The following MYH13 variants were observed in gnomAD, a reference collection of about 807,000 sequenced individuals.
The protein encoded by MYH13 is myosin-13.
MYH13 carries 177 observed loss-of-function variants against 232.1 expected under a neutral mutation model. That is an observed-to-expected ratio of 0.76 (90% CI 0.67 to 0.86). The LOEUF (loss-of-function observed/expected upper bound fraction) is 0.86. MYH13 is among the 40% of genes least tolerant of loss of function. The pLI, the probability that MYH13 is intolerant of heterozygous loss-of-function variation, is 0.00. For missense variants in MYH13, 2,246 were observed against 2,405.9 expected (o/e 0.93, Z 1.39); for synonymous variants, 884 against 923.5 (o/e 0.96, Z 0.78).
chr17:10,328,791 G>A (rs1030490513), intron 21 of MYH13, among the ~76,000 whole-genome samples: 2 of 151,248 alleles, frequency 1.3e-5, no homozygotes, highest in Non-Finnish European at 2.9e-5. Context: ...AATTCTTCTG[G>A]CTCAGCCTCC....
In MYH13 at chr17:10,345,826, C is replaced by T. The variant is rs576740056; in HGVS notation, c.1264-210G>A. Among the ~76,000 whole-genome samples the T allele has an allele frequency of 1.3e-4, 20 of 151,972 alleles. No homozygotes were observed. The South Asian group carries it at 4.0e-3, about 30-fold the overall frequency. ...TGGCCAACATGGTGAAACCCCGTCT[C>T]TACTAAAAATACAAAAATTAGCCAG... On this transcript the variant is annotated intron_variant, in intron 13 of 40. Coordinates refer to ENST00000252172, the MANE Select transcript of MYH13 (RefSeq NM_003802.3).
At position 10,321,648 on chromosome 17, in the gene MYH13, C is replaced by T. The variant is rs1331418426; in HGVS notation, c.2995G>A (p.Glu999Lys). 1 of 1,613,726 alleles carries T rather than the reference C, an allele frequency of 6.2e-7. No homozygotes were observed. Among genetic ancestry groups the T allele is most frequent in the Non-Finnish European group, 8.5e-7 (1 of 1,179,758 alleles). Reference protein sequence around the residue: ...LEENISKLTKEKKSLQEAHQQ... With the variant: ...LEENISKLTKKKKSLQEAHQQ... ...TGGGCCTCCTGTAGAGATTTCTTTT[C>T]TTTGGTCAATTTGGAAATGTTTTCT... The change falls in exon 24 of 41, where the codon GAA (glutamate) becomes AAA (lysine). Residue 999 changes from glutamate (E) to lysine (K), a missense_variant. Transcript: ENST00000252172.
chr17:10,348,379 T>C (rs2071684094), intron 12 of MYH13, among the ~76,000 whole-genome samples: 1 of 152,226 alleles, frequency 6.6e-6, no homozygotes. Context: ...GGTTTAGGTT[T>C]AGGTTTAGGT....
chr17:10,323,019 C>T lies in MYH13; in HGVS notation c.2934+1003G>A, dbSNP rs186514954. Reference sequence around the variant, plus strand: ...CACACGCCATTGCTCCTAATGGCTACGTAGTGCTCCCTGCTGTGTTATCTA... The same window carrying T: ...CACACGCCATTGCTCCTAATGGCTATGTAGTGCTCCCTGCTGTGTTATCTA... On this transcript the variant is annotated intron_variant, in intron 23 of 40. Transcript: ENST00000252172. 4.1e-4 allele frequency among the ~76,000 whole-genome samples: 62 copies of T among 152,252 alleles called. 1 individual carries two copies. The East Asian group carries it at 0.01, about 25-fold the overall frequency.
Position 10,345,277 on chromosome 17 carries a change from G to A in MYH13, c.1509C>T (p.Tyr503=). 2 of 1,614,150 alleles carry A rather than the reference G, an allele frequency of 1.2e-6. No homozygotes were observed. Among genetic ancestry groups the A allele is most frequent in the South Asian group, 2.2e-5 (2 of 91,082 alleles). The change falls in exon 15 of 41, where the codon TAC becomes TAT. Residue 503 remains tyrosine (Y), a synonymous_variant. Transcript: ENST00000252172. ...ACTCCCACTCGATGCCTTCCTTCTT[G>A]TACTCTTCCTGCTCCAGCACGAACA... ...HHMFVLEQEE[Y]KKEGIEWEFI... is the part of the protein sequence containing the mutation.
chr17:10,323,563 G>A (rs779724213), intron 23 of MYH13, among the ~76,000 whole-genome samples: 33 of 151,936 alleles, frequency 2.2e-4, no homozygotes, highest in Non-Finnish European at 4.7e-4. Context: ...TTCGAGACCA[G>A]CTTGGCCAAC....
rs759686131 is a variant in MYH13 at position 10,306,557 on chromosome 17, G to A, written c.5368C>T (p.Leu1790=). The change falls in exon 37 of 41, where the codon CTG becomes TTG. Residue 1790 remains leucine, a synonymous_variant. Coordinates refer to ENST00000252172, the MANE Select transcript of MYH13 (RefSeq NM_003802.3). This position sits in a 1 kb window ranked among gnomAD's most constrained non-coding sequence, Gnocchi z 4.3. ...SAHLERMKKN[L]EQTVKDLQHR... Reference sequence around the variant, plus strand: ...TGCAGGTCCTTCACCGTCTGCTCCAGGTTCTTCTTCATCCGCTCCAGGTGG... The same window carrying A: ...TGCAGGTCCTTCACCGTCTGCTCCAAGTTCTTCTTCATCCGCTCCAGGTGG... 1.9e-6 allele frequency: 3 copies of A among 1,614,120 alleles called. No individual in the cohort carries two copies. Among genetic ancestry groups the A allele is most frequent in the African/African-American group, 1.3e-5 (1 of 75,016 alleles).
At chr17:10,347,712 CTTT>C (rs71139041) in intron 12 of MYH13, among the ~76,000 whole-genome samples, 4 of 86,722 alleles carry the variant, frequency 4.6e-5, no homozygotes, top group Non-Finnish European at 6.3e-5. Context: ...GGGACTACTT[CTTT>C]TTTTTTTTTT....
intron 40 of MYH13, 110 bp downstream of exon 40, chr17:10,301,459 A>G: frequency 6.6e-7 from 1 of 1,507,658 alleles, no homozygotes; most frequent in Non-Finnish European, 9.0e-7. Context: ...CCCACATCTC[A>G]GGTACCTGCC....
At chr17:10,372,385 A>G (rs905399769) in intron 1 of MYH13, among the ~76,000 whole-genome samples, 92 of 152,306 alleles carry the variant, frequency 6.0e-4, no homozygotes, top group African/African-American at 2.1e-3. Flanking sequence ...TGGTGGCCTG[A>G]ATTCAAAGTA....
chr17:10,309,198 G>C (rs1906399605), intron 35 of MYH13, 36 bp downstream of exon 35: 1 of 1,600,182 alleles, frequency 6.2e-7, no homozygotes, highest in South Asian at 1.1e-5. Context: ...TCTGCCCCAG[G>C]GTGGACCTTC....
At chr17:10,361,740 G>C (rs1020417545) in intron 5 of MYH13, among the ~76,000 whole-genome samples, 4 of 152,210 alleles carry the variant, frequency 2.6e-5, no homozygotes, top group African/African-American at 9.6e-5. Flanking sequence ...AGGGGAGCCT[G>C]AGTTTGGGGA....
chr17:10,331,432 T>A (rs533124869), intron 20 of MYH13, among the ~76,000 whole-genome samples: 47 of 152,302 alleles, frequency 3.1e-4, no homozygotes, highest in African/African-American at 1.0e-3. Context: ...AGTAAGTTTC[T>A]CGACCTCCCA....
rs370864105 is a variant in MYH13 at position 10,347,140 on chromosome 17, C to A, written c.1145-342G>T. On this transcript the variant is annotated intron_variant, in intron 12 of 40. Transcript: ENST00000252172. ...ATCCCAGCGTTTTGGGAGGCTAAGG[C>A]GGGTGGATCACCTGAGGTCAGGAGT... Among the ~76,000 whole-genome samples, 4 of 152,160 alleles carry A rather than the reference C, an allele frequency of 2.6e-5. No homozygotes were observed. In the East Asian group the frequency reaches 7.7e-4, roughly 29 times the overall value.
intron 3 of MYH13, among the ~76,000 whole-genome samples, chr17:10,363,834 T>C (rs914571847): frequency 6.6e-6 from 1 of 152,220 alleles, no homozygotes; most frequent in Admixed American, 6.5e-5. Flanking sequence ...GCCATATACA[T>C]CTTTGGGAAA....
chr17:10,339,913 A>G (rs2071608108), intron 18 of MYH13, among the ~76,000 whole-genome samples: 1 of 152,238 alleles, frequency 6.6e-6, no homozygotes, highest in Admixed American at 6.5e-5. Context: ...CAAGCGTGAA[A>G]TGTGCAAAGA....
chr17:10,366,381 G>GTTTGTTTTTTTGTTTTTTTTTT (rs2071837334), intron 2 of MYH13, among the ~76,000 whole-genome samples: 4 of 112,640 alleles, frequency 3.6e-5, no homozygotes, highest in African/African-American at 1.3e-4. Flanking sequence ...AAATAAATCT[G>GTTTGTTTTTTTGTTTTTTTTTT]TTTTTTTTTT....
At chr17:10,359,177 A>T (rs1567672348) in intron 7 of MYH13, among the ~76,000 whole-genome samples, 2 of 152,150 alleles carry the variant, frequency 1.3e-5, no homozygotes, top group African/African-American at 4.8e-5. Context: ...ACAGCTCAGG[A>T]TGGGGGCTGG....
rs770483858 is a variant in MYH13 at position 10,321,728 on chromosome 17, G to A, written c.2935-20C>T. ...CTTTACCTGGGACAATATTAACACC[G>A]ATTTAATATGGAAACGATTATGCCA... On this transcript the variant is annotated intron_variant, in intron 23 of 40. Coordinates refer to ENST00000252172, the MANE Select transcript of MYH13 (RefSeq NM_003802.3). The A allele has an allele frequency of 6.3e-6, 10 of 1,586,520 alleles. No homozygotes were observed. The highest frequency in any genetic ancestry group is 5.3e-5 in the Admixed American group (3 of 56,586).
Sources: gnomAD v4.1 joint callset for allele counts (sites outside exome capture counted in the v4.1 genomes callset) on GRCh38, gnomAD v4.1.1 for gene constraint, Gnocchi (gnomAD v3.1) non-coding constraint, MANE v1.5 for transcripts, NCBI Gene and HGNC (gene_info 2026-07-23, HGNC 2026-07-21) for gene names.